The following PRELID2 variants were observed in gnomAD, a reference collection of about 807,000 sequenced individuals.
PRELID2 encodes the protein PRELI domain containing 2, also known as PRELI domain-containing protein 2.
A neutral mutation model predicts 28.4 loss-of-function variants in PRELID2; 25 were observed. The ratio of observed to expected loss-of-function variants is 0.88; its 90% CI spans 0.64 to 1.23. The LOEUF is 1.23. Ranked by LOEUF, PRELID2 falls within the 50% of genes most tolerant of loss-of-function variation. The pLI is 0.00. For missense variants in PRELID2, 201 were observed against 214.4 expected, an observed-to-expected ratio of 0.94 and a Z score of 0.39; for synonymous variants, 76 against 71.6, an observed-to-expected ratio of 1.06 and a Z score of -0.31.
chr5:145,821,152 GGT>G (rs70998038), intron 2 of PRELID2, among the ~76,000 whole-genome samples: 1,178 of 88,150 alleles, frequency 0.013, 45 homozygotes, highest in Non-Finnish European at 0.012. Context: ...AACTCTCCTG[GGT>G]GTGTGTGTGT....
chr5:145,343,018 A>G, the PRELID2 span, among the ~76,000 whole-genome samples: 1 of 152,024 alleles, frequency 6.6e-6, no homozygotes. Context: ...TAGATTTATA[A>G]AACAAGTATT....
chr5:145,750,876 T>C (rs575015416), intron 1 of PRELID2, among the ~76,000 whole-genome samples: 27 of 152,304 alleles, frequency 1.8e-4, no homozygotes, highest in Admixed American at 7.8e-4. Flanking sequence ...GTTTTTTCCA[T>C]TGTGTTTGTT....
At chr5:145,367,624 GCTAATCCCTGAC>G in the PRELID2 span, among the ~76,000 whole-genome samples, 2 of 151,734 alleles carry the variant, frequency 1.3e-5, no homozygotes, top group Non-Finnish European at 2.9e-5. Flanking sequence ...CCTCCTTTCT[GCTAATCCCTGAC>G]AACCACTGAT....
At chr5:145,809,299 C>T (rs1294225274) in intron 4 of PRELID2, among the ~76,000 whole-genome samples, 3 of 152,242 alleles carry the variant, frequency 2.0e-5, no homozygotes, top group Non-Finnish European at 1.5e-5. Flanking sequence ...GCCTTAGCCT[C>T]CCAAAGTGCC....
chr5:145,486,112 A>G (rs1752215385), intron 1 of PRELID2, among the ~76,000 whole-genome samples: 1 of 152,198 alleles, frequency 6.6e-6, no homozygotes, highest in Admixed American at 6.5e-5. Context: ...CTATTAAAGC[A>G]CTGTGCCAAA....
the PRELID2 span, among the ~76,000 whole-genome samples, chr5:145,425,226 A>G: frequency 6.6e-6 from 1 of 152,244 alleles, no homozygotes; most frequent in South Asian, 2.1e-4. Context: ...CATGCCAGTC[A>G]GAACGGCTAT....
At chr5:145,443,469 C>T in the PRELID2 span, among the ~76,000 whole-genome samples, 2 of 151,976 alleles carry the variant, frequency 1.3e-5, no homozygotes, top group Admixed American at 6.6e-5. Context: ...ATTGGCCAAG[C>T]CTGGGTCATA....
At chr5:145,718,875 G>C (rs1191856022) in intron 1 of PRELID2, among the ~76,000 whole-genome samples, 10 of 152,038 alleles carry the variant, frequency 6.6e-5, no homozygotes, top group Non-Finnish European at 1.2e-4. Flanking sequence ...ATAAGTGTAA[G>C]ATGTGAGGGT....
At chr5:145,690,489 C>G (rs6884613) in intron 1 of PRELID2, among the ~76,000 whole-genome samples, 33,543 of 152,100 alleles carry the variant, frequency 0.22, 7,018 homozygotes, top group African/African-American at 0.55. Flanking sequence ...ACTTAAACTG[C>G]CATTAAAGAG....
At chr5:145,404,401 C>T in the PRELID2 span, among the ~76,000 whole-genome samples, 2 of 152,226 alleles carry the variant, frequency 1.3e-5, no homozygotes, top group East Asian at 3.9e-4. Context: ...TTGCCTCTTC[C>T]CCAGCTGTGT....
chr5:145,382,078 T>A, the PRELID2 span, among the ~76,000 whole-genome samples: 1 of 151,858 alleles, frequency 6.6e-6, no homozygotes, highest in East Asian at 1.9e-4. Flanking sequence ...ATTGAGACCC[T>A]TAAAATATAG....
the PRELID2 span, among the ~76,000 whole-genome samples, chr5:145,352,102 G>A: frequency 6.6e-6 from 1 of 152,140 alleles, no homozygotes; most frequent in Admixed American, 6.5e-5. Context: ...TTACCACTCT[G>A]GGGTCTGGAG....
At chr5:145,794,167 C>G (rs1379243692) in intron 5 of PRELID2, among the ~76,000 whole-genome samples, 2 of 152,158 alleles carry the variant, frequency 1.3e-5, no homozygotes, top group African/African-American at 2.4e-5. Context: ...GAAAACCAGA[C>G]TACACAGAAA....
chr5:145,727,291 T>A (rs558189108), intron 1 of PRELID2, among the ~76,000 whole-genome samples: 1 of 152,134 alleles, frequency 6.6e-6, no homozygotes, highest in Non-Finnish European at 1.5e-5. Context: ...CTGGATTCTA[T>A]CCAACCCACG....
the PRELID2 span, among the ~76,000 whole-genome samples, chr5:145,292,763 A>G: frequency 6.6e-6 from 1 of 152,180 alleles, no homozygotes; most frequent in Non-Finnish European, 1.5e-5. Context: ...GCTACAGTAC[A>G]GTGACATAAT....
chr5:145,425,725 G>A, the PRELID2 span, among the ~76,000 whole-genome samples: 6 of 152,076 alleles, frequency 3.9e-5, no homozygotes, highest in Non-Finnish European at 7.4e-5. Context: ...TGGACACATG[G>A]TGGGAAACAA....
chr5:145,252,977 G>A, the PRELID2 span, among the ~76,000 whole-genome samples: 2 of 152,020 alleles, frequency 1.3e-5, no homozygotes, highest in African/African-American at 4.8e-5. Context: ...TAACTCTAAG[G>A]ACAATCATTG....
At chr5:145,287,111 C>G in the PRELID2 span, among the ~76,000 whole-genome samples, 3 of 152,104 alleles carry the variant, frequency 2.0e-5, no homozygotes, top group African/African-American at 7.2e-5. Flanking sequence ...TAGTGATCTC[C>G]TGTTATCCAT....
intron 1 of PRELID2, among the ~76,000 whole-genome samples, chr5:145,587,605 T>G (rs1317689696): frequency 2.6e-5 from 4 of 152,168 alleles, no homozygotes; most frequent in African/African-American, 7.2e-5. Context: ...AAATTTGGCT[T>G]TTCTATCGCA....
Sources: gnomAD v4.1 joint callset for allele counts (sites outside exome capture counted in the v4.1 genomes callset) on GRCh38, gnomAD v4.1.1 for gene constraint, MANE v1.5 for transcripts, NCBI Gene and HGNC (gene_info 2026-07-23, HGNC 2026-07-21) for gene names.